The following PATJ variants were observed in gnomAD, a reference collection of about 807,000 sequenced individuals.
PATJ encodes the protein inaD-like protein.
Under a neutral mutation model 224.9 loss-of-function variants are expected in PATJ, and 190 were observed. The ratio of observed to expected loss-of-function variants is 0.84; its 90% CI spans 0.75 to 0.95. The LOEUF is 0.95. Ranked by LOEUF, PATJ falls within the 40% of genes least tolerant of loss-of-function variation. The pLI, the probability that PATJ is intolerant of heterozygous loss-of-function variation, is 0.00. For missense variants in PATJ, 2,121 were observed against 2,270.3 expected (o/e 0.93, Z 1.34); for synonymous variants, 769 against 820.3 (o/e 0.94, Z 1.07).
chr1:62,103,830 A>G (rs1662539812), intron 33 of PATJ, among the ~76,000 whole-genome samples: 2 of 152,032 alleles, frequency 1.3e-5, no homozygotes, highest in African/African-American at 4.8e-5. Context: ...TTATTGGTAG[A>G]TAATACTGTT....
At chr1:61,865,184 G>A (rs2148959464) in intron 20 of PATJ, 1 of 148,892 alleles carries the variant, frequency 6.7e-6, no homozygotes, top group African/African-American at 2.5e-5. Context: ...ATATATACGT[G>A]TATATATATG....
In PATJ at chr1:61,969,104, ACTTTGTG is replaced by A. The variant is rs933699489; in HGVS notation, c.3671-21063_3671-21057del. Among the ~76,000 whole-genome samples, 239 of 152,174 alleles carry A rather than the reference ACTTTGTG, an allele frequency of 1.6e-3. 1 individual carries two copies. Among genetic ancestry groups the A allele is most frequent in the African/African-American group, 5.4e-3 (225 of 41,506 alleles). ...TAGTATTCCATTGTCTGTGTAGACC[ACTTTGTG>A]TTTTTTTCTATTCATCTGATGGTTG... On this transcript the variant is annotated intron_variant, in intron 27 of 43. Coordinates refer to ENST00000642238, the MANE Select transcript of PATJ (RefSeq NM_001350145.3).
At chr1:61,799,703 C>T (rs764251797) in intron 11 of PATJ, among the ~76,000 whole-genome samples, 30 of 152,056 alleles carry the variant, frequency 2.0e-4, no homozygotes, top group African/African-American at 5.6e-4. Flanking sequence ...CCCTCACCCC[C>T]GCTCCACCAG....
intron 29 of PATJ, among the ~76,000 whole-genome samples, chr1:62,034,058 A>G (rs1167995206): frequency 6.6e-6 from 1 of 152,174 alleles, no homozygotes; most frequent in Non-Finnish European, 1.5e-5. Flanking sequence ...GCTCTTAAAG[A>G]TAATTATAAA....
intron 27 of PATJ, among the ~76,000 whole-genome samples, chr1:61,951,177 TA>T (rs533610349): frequency 2.4e-3 from 324 of 136,548 alleles, no homozygotes; most frequent in Middle Eastern, 3.9e-3. Context: ...CAACTCTGTC[TA>T]AAAAAAAAAA....
chr1:61,847,598 T>C (rs1199119481), intron 17 of PATJ, among the ~76,000 whole-genome samples: 1 of 152,222 alleles, frequency 6.6e-6, no homozygotes, highest in Non-Finnish European at 1.5e-5. Context: ...TGTAATACTT[T>C]GCTATATTAT....
rs760320032 is a variant in PATJ, at chr1:61,791,266, T to G, written c.1069-82T>G. 65 of 760,650 alleles carry G rather than the reference T, an allele frequency of 8.5e-5. No homozygotes were observed. The Admixed American group carries it at 1.6e-3, about 18-fold the overall frequency. 47.1% of individuals were successfully genotyped at this position (760,650 alleles called of 1,614,324 possible). The stretch of plus-strand genomic sequence containing the variant: ...CCTGCCATAGATGCTAAGAAAATAC[T>G]TGACAAACCTTGCACAGATTGACTA... On this transcript the variant is annotated intron_variant, in intron 8 of 43. Transcript: ENST00000642238.
At position 61,984,446 on chromosome 1, in the gene PATJ, G is replaced by A. The variant is rs142449993; in HGVS notation, c.3671-5722G>A. 9.5e-3 allele frequency among the ~76,000 whole-genome samples: 1,445 copies of A among 152,124 alleles called. 30 individuals carry two copies. Among genetic ancestry groups the A allele is most frequent in the African/African-American group, 0.033 (1,379 of 41,410 alleles). On this transcript the variant is annotated intron_variant, in intron 27 of 43. Transcript: ENST00000642238. ...CAAAGTGCTGGGATTACAGGCATGAGCCCCTGTGCTCGGCCTTAAGTATAC... is the reference window on the plus strand; with the variant it reads ...CAAAGTGCTGGGATTACAGGCATGAACCCCTGTGCTCGGCCTTAAGTATAC...
intron 27 of PATJ, among the ~76,000 whole-genome samples, chr1:61,974,405 C>CTTTTTT (rs149825131): frequency 6.8e-4 from 44 of 64,256 alleles, no homozygotes; most frequent in East Asian, 1.3e-3. Flanking sequence ...CTCTCTCTCT[C>CTTTTTT]TTTTTTTTTT....
intron 33 of PATJ, among the ~76,000 whole-genome samples, chr1:62,101,409 C>T (rs763000458): frequency 2.6e-5 from 4 of 151,796 alleles, no homozygotes; most frequent in African/African-American, 4.8e-5. Context: ...ACTACAGGCA[C>T]GCACTATCAC....
intron 27 of PATJ, among the ~76,000 whole-genome samples, chr1:61,964,317 GGTAAA>G (rs1415065427): frequency 1.3e-5 from 2 of 151,664 alleles, no homozygotes; most frequent in Non-Finnish European, 2.9e-5. Context: ...CCTGACCTCA[GGTAAA>G]CCTCCCACCT....
In PATJ at chr1:61,864,299, G is replaced by A; in HGVS notation, c.2501G>A (p.Gly834Glu). The A allele has an allele frequency of 6.2e-7, 1 of 1,613,752 alleles. No individual in the cohort carries two copies. The highest frequency in any genetic ancestry group is 1.3e-5 in the African/African-American group (1 of 75,038). Residue 834 changes from glycine to glutamate, a missense_variant, in exon 20 of 44, where the codon GGA becomes GAA. Gly to Glu is a moderately conservative substitution (Grantham distance 98, BLOSUM62 -2). Transcript: ENST00000642238. ...ELVDEPFLDL[G>E]KSFHSQQKEI... ...GTGGATGAACCATTTCTAGATCTGG[G>A]AAAGTCTTTCCATTCCCAACAAAAA...
intron 24 of PATJ, among the ~76,000 whole-genome samples, chr1:61,903,001 TAGC>T (rs1361266109): frequency 6.6e-6 from 1 of 152,082 alleles, no homozygotes; most frequent in Non-Finnish European, 1.5e-5. Context: ...CCAGCAATGA[TAGC>T]ATAGCATGAA....
chr1:61,888,654 T>A (rs950445930), intron 22 of PATJ, among the ~76,000 whole-genome samples: 1 of 152,212 alleles, frequency 6.6e-6, no homozygotes, highest in Non-Finnish European at 1.5e-5. Context: ...TTCTCTAAAC[T>A]GTAGAATTGT....
intron 26 of PATJ, among the ~76,000 whole-genome samples, chr1:61,923,793 A>T (rs1331697247): frequency 6.6e-6 from 1 of 151,594 alleles, no homozygotes; most frequent in Non-Finnish European, 1.5e-5. Context: ...GTGGTGGCAC[A>T]TGCCTATAAT....
At chr1:62,059,371 C>T (rs1448576883) in intron 31 of PATJ, among the ~76,000 whole-genome samples, 1 of 152,078 alleles carries the variant, frequency 6.6e-6, no homozygotes, top group African/African-American at 2.4e-5. Flanking sequence ...CCTGTAATCC[C>T]AGAATTTTGG....
chr1:62,112,436 G>T (rs1166357190), intron 34 of PATJ, among the ~76,000 whole-genome samples: 1 of 152,182 alleles, frequency 6.6e-6, no homozygotes, highest in African/African-American at 2.4e-5. Context: ...AAACCGGAAA[G>T]CGGAGGCTGC....
intron 31 of PATJ, chr1:62,054,306 T>G: frequency 2.4e-6 from 1 of 422,888 alleles, no homozygotes; most frequent in Admixed American, 2.6e-5. Flanking sequence ...GAGGTGGCAG[T>G]AAGCTGTGAT....
At chr1:62,055,036 A>G (rs1352548012) in intron 31 of PATJ, among the ~76,000 whole-genome samples, 1 of 152,198 alleles carries the variant, frequency 6.6e-6, no homozygotes, top group African/African-American at 2.4e-5. Flanking sequence ...GCCTGGCAAC[A>G]GAGCGAGACT....
Sources: gnomAD v4.1 joint callset for allele counts (sites outside exome capture counted in the v4.1 genomes callset) on GRCh38, gnomAD v4.1.1 for gene constraint, MANE v1.5 for transcripts, NCBI Gene and HGNC (gene_info 2026-07-23, HGNC 2026-07-21) for gene names.